WASHC3: variants seen among roughly 807,000 people sequenced by gnomAD.
WASHC3 encodes WASH complex subunit CCDC53.
In WASHC3, 24 loss-of-function variants were observed where a neutral mutation model predicts 26.1. The observed-to-expected ratio is 0.92, with a 90% CI of 0.66 to 1.29. WASHC3 has a LOEUF of 1.29. WASHC3 is among the 50% of genes most tolerant of loss of function. The probability of loss-of-function intolerance (pLI) is 0.00; values close to 1 mark genes in which losing one functional copy is unlikely to be tolerated. For synonymous variants in WASHC3, 77 were observed against 75.7 expected (o/e 1.02, Z -0.09); for missense variants, 214 against 229.6 (o/e 0.93, Z 0.44).
At chr12:102,026,141 G>T in intron 5 of WASHC3, 103 bp from the exon 6 acceptor site, 1 of 633,186 alleles carries the variant, frequency 1.6e-6, no homozygotes, top group South Asian at 2.1e-5. Context: ...TTATTTAAAA[G>T]TTCTTATTCT....
At chr12:102,015,758 C>T (rs1028166884) in intron 6 of WASHC3, among the ~76,000 whole-genome samples, 2 of 152,176 alleles carry the variant, frequency 1.3e-5, no homozygotes, top group African/African-American at 2.4e-5. Flanking sequence ...CAAATTGTTA[C>T]AGAATGTGAG....
At chr12:102,023,378 C>T (rs1877034362) in intron 6 of WASHC3, among the ~76,000 whole-genome samples, 1 of 151,894 alleles carries the variant, frequency 6.6e-6, no homozygotes, top group Non-Finnish European at 1.5e-5. Flanking sequence ...TGTCTTACTA[C>T]CTAAAGCTAA....
At position 102,046,137 on chromosome 12, in the gene WASHC3, G is replaced by C. The variant is rs750827722; in HGVS notation, c.151-18C>G. The C allele has an allele frequency of 4.9e-6, 7 of 1,439,816 alleles. No homozygotes were observed. Among genetic ancestry groups the C allele is most frequent in the Non-Finnish European group, 6.8e-6 (7 of 1,035,394 alleles). The allele number at this position is 1,439,816 out of a possible 1,614,324, so 89.2% of individuals were successfully genotyped here. The stretch of plus-strand genomic sequence containing the variant: ...GCCAGTTTCTGTAAAAGAAAAATTA[G>C]AGACATAAAGACTTTAATTAAAATA... On this transcript the variant is annotated intron_variant, in intron 2 of 6. Coordinates refer to ENST00000240079, the MANE Select transcript of WASHC3 (RefSeq NM_016053.4).
intron 6 of WASHC3, among the ~76,000 whole-genome samples, chr12:102,019,668 A>G (rs1352199954): frequency 3.3e-5 from 5 of 152,234 alleles, no homozygotes; most frequent in African/African-American, 1.2e-4. Flanking sequence ...CATTTTAATA[A>G]GCATATTTAT....
At chr12:102,036,323 C>CT (rs1877655214) in intron 5 of WASHC3, among the ~76,000 whole-genome samples, 1 of 141,488 alleles carries the variant, frequency 7.1e-6, no homozygotes, top group Admixed American at 7.2e-5. Flanking sequence ...GACTGTGCCC[C>CT]TTTGCTCCAG....
At chr12:102,054,251 T>G (rs1469657438) in intron 2 of WASHC3, among the ~76,000 whole-genome samples, 2 of 152,196 alleles carry the variant, frequency 1.3e-5, no homozygotes, top group African/African-American at 4.8e-5. Context: ...TTACCCTGAA[T>G]GTAAATGGAC....
chr12:102,031,399 T>C (rs1877432744), intron 5 of WASHC3, among the ~76,000 whole-genome samples: 1 of 152,188 alleles, frequency 6.6e-6, no homozygotes, highest in Non-Finnish European at 1.5e-5. Context: ...GAATCCCAAT[T>C]ATCCCAACTC....
intron 2 of WASHC3, chr12:102,050,498 C>T (rs1878350462): frequency 7.2e-6 from 3 of 414,344 alleles, no homozygotes; most frequent in Non-Finnish European, 9.5e-6. Context: ...ACACAATTAG[C>T]CGGGTGTGGT....
chr12:102,043,419 C>T (rs973500554), intron 4 of WASHC3, among the ~76,000 whole-genome samples: 14 of 151,918 alleles, frequency 9.2e-5, no homozygotes, highest in Non-Finnish European at 2.1e-4. Flanking sequence ...CAGGTGCGTG[C>T]CACCACACCT....
chr12:102,050,185 G>A (rs987130385), intron 2 of WASHC3: 10 of 357,264 alleles, frequency 2.8e-5, no homozygotes, highest in Admixed American at 7.5e-5. Flanking sequence ...GTGGTGGCAC[G>A]CACCTGTAGT....
chr12:102,051,984 C>A (rs118002650), intron 2 of WASHC3, among the ~76,000 whole-genome samples: 8 of 152,172 alleles, frequency 5.3e-5, no homozygotes, highest in Non-Finnish European at 1.0e-4. Flanking sequence ...TACAGTCAAC[C>A]CTAGATTATC....
intron 4 of WASHC3, among the ~76,000 whole-genome samples, chr12:102,041,964 C>T (rs1323848493): frequency 6.6e-6 from 1 of 151,948 alleles, no homozygotes; most frequent in Non-Finnish European, 1.5e-5. Flanking sequence ...TATGTGAGGA[C>T]AAACACAACT....
intron 6 of WASHC3, chr12:102,019,184 A>T (rs554624363): frequency 8.6e-5 from 14 of 163,070 alleles, no homozygotes; most frequent in African/African-American, 3.4e-4. Context: ...AAAAAAGAAA[A>T]GCAAGCCACA....
intron 1 of WASHC3, 32 bp from the exon 2 acceptor site, chr12:102,061,378 C>T (rs145187756): frequency 3.6e-6 from 5 of 1,400,444 alleles, no homozygotes; most frequent in Non-Finnish European, 5.1e-6. Context: ...ATGGTTCATA[C>T]AGGAGGAACG....
At chr12:102,061,223 T>A (rs1470254500) in intron 2 of WASHC3, 25 bp downstream of exon 2, 6 of 1,513,216 alleles carry the variant, frequency 4.0e-6, no homozygotes, top group Admixed American at 3.4e-5. Flanking sequence ...CAGGCGACTC[T>A]ATAAACCAGT....
chr12:102,025,941 C>T, intron 6 of WASHC3, 33 bp downstream of exon 6: 1 of 1,012,740 alleles, frequency 9.9e-7, no homozygotes, highest in Non-Finnish European at 1.5e-6. Flanking sequence ...AATGTCCTGG[C>T]AATAATATCA....
chr12:102,032,327 A>C (rs1877471207), intron 5 of WASHC3, among the ~76,000 whole-genome samples: 1 of 152,182 alleles, frequency 6.6e-6, no homozygotes, highest in South Asian at 2.1e-4. Flanking sequence ...ACAAGTCATT[A>C]GCTTCTTAAT....
chr12:102,037,099 T>C (rs1278488699), intron 5 of WASHC3, among the ~76,000 whole-genome samples: 1 of 152,220 alleles, frequency 6.6e-6, no homozygotes, highest in Non-Finnish European at 1.5e-5. Context: ...TCTAATTTTG[T>C]AGGGTAGGGC....
chr12:102,030,295 C>CA (rs57056667), intron 5 of WASHC3, among the ~76,000 whole-genome samples: 30,161 of 88,850 alleles, frequency 0.34, 3,713 homozygotes, highest in East Asian at 0.51. Flanking sequence ...AACTCCATCT[C>CA]AAAAAAAAAA....
Sources: allele counts gnomAD v4.1 joint callset (sites outside exome capture counted in the v4.1 genomes callset), GRCh38; gene constraint gnomAD v4.1.1; transcripts MANE v1.5; gene names NCBI Gene and HGNC (gene_info 2026-07-23, HGNC 2026-07-21).